Variants in TLK1 observed in about 807,000 individuals in gnomAD.
The protein encoded by TLK1 is tousled like kinase 1, also known as serine/threonine-protein kinase tousled-like 1.
TLK1 carries 24 observed loss-of-function variants against 105.3 expected under a neutral mutation model. The ratio of observed to expected loss-of-function variants is 0.23; its 90% confidence interval spans 0.17 to 0.32. The LOEUF is 0.32. TLK1 is among the 10% of genes least tolerant of loss of function. The probability of loss-of-function intolerance (pLI) is 1.00; values close to 1 mark genes in which losing one functional copy is unlikely to be tolerated. For synonymous variants in TLK1, 321 were observed against 310.4 expected, an observed-to-expected ratio of 1.03 and a Z score of -0.36; for missense variants, 558 against 910.5, an observed-to-expected ratio of 0.61 and a Z score of 4.98.
At chr2:171,001,012 C>T (rs1014583762) in intron 18 of TLK1, among the ~76,000 whole-genome samples, 11 of 150,908 alleles carry the variant, frequency 7.3e-5, no homozygotes, top group African/African-American at 2.7e-4. Context: ...CCCTTCACCC[C>T]ACCTTCTTTG....
At chr2:171,071,941 T>G (rs1369184222) in intron 3 of TLK1, among the ~76,000 whole-genome samples, 1 of 152,196 alleles carries the variant, frequency 6.6e-6, no homozygotes. Flanking sequence ...CTGGTCTATG[T>G]GTTTCACTGA....
chr2:171,040,855 GCCTGA>G (rs1244340352), intron 11 of TLK1, among the ~76,000 whole-genome samples: 2 of 152,014 alleles, frequency 1.3e-5, no homozygotes, highest in Non-Finnish European at 2.9e-5. Flanking sequence ...GGGATTACAG[GCCTGA>G]GCCACCACGC....
At chr2:171,210,324 C>A (rs759680244) in intron 1 of TLK1, among the ~76,000 whole-genome samples, 1 of 151,232 alleles carries the variant, frequency 6.6e-6, no homozygotes, top group South Asian at 2.1e-4. Context: ...GTTGCCTAGG[C>A]TAGAATGCGG....
intron 8 of TLK1, among the ~76,000 whole-genome samples, chr2:171,051,925 A>G (rs1274558937): frequency 1.3e-5 from 2 of 152,122 alleles, no homozygotes; most frequent in Non-Finnish European, 2.9e-5. Context: ...TTGAAATGAA[A>G]CCCTACATCA....
At chr2:171,012,040 C>A (rs1375021155) in intron 13 of TLK1, among the ~76,000 whole-genome samples, 1 of 151,638 alleles carries the variant, frequency 6.6e-6, no homozygotes, top group East Asian at 1.9e-4. Context: ...TATTGAAATA[C>A]CTGGAACCAG....
chr2:171,216,674 G>C (rs1693720264), intron 1 of TLK1, among the ~76,000 whole-genome samples: 1 of 152,040 alleles, frequency 6.6e-6, no homozygotes, highest in Non-Finnish European at 1.5e-5. Context: ...TTAGAAGTAG[G>C]GCCATTATAG....
chr2:171,127,667 AG>A (rs1289405054), intron 1 of TLK1, among the ~76,000 whole-genome samples: 4 of 152,284 alleles, frequency 2.6e-5, no homozygotes, highest in African/African-American at 9.6e-5. Context: ...TAATCCATTT[AG>A]AATTATATAT....
intron 1 of TLK1, among the ~76,000 whole-genome samples, chr2:171,158,515 A>C (rs778177625): frequency 1.4e-4 from 21 of 152,250 alleles, no homozygotes; most frequent in Non-Finnish European, 3.1e-4. Flanking sequence ...AACAGATATC[A>C]AGAGATAATT....
intron 3 of TLK1, among the ~76,000 whole-genome samples, chr2:171,080,357 T>C (rs573360509): frequency 6.6e-6 from 1 of 151,968 alleles, no homozygotes; most frequent in East Asian, 1.9e-4. Context: ...CTAGGAGTAC[T>C]AGGAAAAACA....
chr2:171,071,340 T>A (rs189288619), intron 3 of TLK1, among the ~76,000 whole-genome samples: 5 of 151,992 alleles, frequency 3.3e-5, no homozygotes, highest in African/African-American at 1.2e-4. Context: ...CAGGCTGGAG[T>A]GCAGTGGCGT....
intron 12 of TLK1, among the ~76,000 whole-genome samples, chr2:171,025,801 CTTA>C (rs1685744694): frequency 6.6e-6 from 1 of 152,130 alleles, no homozygotes; most frequent in Non-Finnish European, 1.5e-5. Context: ...TAACTTATTG[CTTA>C]TTATTTTTTA....
intron 11 of TLK1, among the ~76,000 whole-genome samples, chr2:171,037,612 GTATC>G (rs201171445): frequency 0.018 from 2,771 of 151,930 alleles, 53 homozygotes; most frequent in South Asian, 0.03. Context: ...AAAATTTTTC[GTATC>G]TATTAAGATA....
intron 2 of TLK1, among the ~76,000 whole-genome samples, chr2:171,117,469 G>A (rs528507203): frequency 1.3e-5 from 2 of 152,102 alleles, no homozygotes; most frequent in Admixed American, 1.3e-4. Flanking sequence ...TGGATAATAA[G>A]GGCAGGAAGG....
At chr2:171,228,612 C>A (rs1320648857) in intron 1 of TLK1, among the ~76,000 whole-genome samples, 1 of 152,184 alleles carries the variant, frequency 6.6e-6, no homozygotes, top group East Asian at 1.9e-4. Flanking sequence ...TTATTGTGGT[C>A]ACTTTACAGA....
chr2:170,999,910 C>T (rs1323913893), intron 18 of TLK1, among the ~76,000 whole-genome samples: 3 of 152,032 alleles, frequency 2.0e-5, no homozygotes, highest in African/African-American at 7.3e-5. Flanking sequence ...AGGCACACAC[C>T]ACCATGCCTG....
chr2:171,161,251 C>G (rs1182698918), upstream of TLK1, among the ~76,000 whole-genome samples: 20 of 151,530 alleles, frequency 1.3e-4, no homozygotes. Flanking sequence ...CTCCCCCTGT[C>G]TCCCGCGGAA....
At position 171,061,162 on chromosome 2, in the gene TLK1, G is replaced by C; in HGVS notation, c.331-6C>G. On this transcript the variant is annotated splice_region_variant and splice_polypyrimidine_tract_variant and intron_variant, in intron 3 of 20. Coordinates refer to ENST00000431350, the MANE Select transcript of TLK1 (RefSeq NM_012290.5). ...GATTGTTTCTTCTCCGGTGTCTACA[G>C]AAAACAAGATAACAGATTTTTAAAT... is the stretch of plus-strand genomic sequence containing the variant. The C allele has an allele frequency of 6.2e-7, 1 of 1,612,392 alleles. No individual in the cohort carries two copies. Among genetic ancestry groups the C allele is most frequent in the South Asian group, 1.1e-5 (1 of 90,876 alleles).
At chr2:171,172,728 C>T (rs995561666) in intron 1 of TLK1, among the ~76,000 whole-genome samples, 3 of 152,150 alleles carry the variant, frequency 2.0e-5, no homozygotes, top group African/African-American at 7.2e-5. Context: ...CCTTCGCCTT[C>T]CACCATAACT....
intron 18 of TLK1, among the ~76,000 whole-genome samples, chr2:170,998,054 C>CTT (rs1684153518): frequency 1.4e-5 from 1 of 73,874 alleles, no homozygotes; most frequent in East Asian, 3.7e-4. Context: ...CTTTATCTAT[C>CTT]TATCTATCTA....
Sources: allele counts gnomAD v4.1 joint callset (sites outside exome capture counted in the v4.1 genomes callset), GRCh38; gene constraint gnomAD v4.1.1; transcripts MANE v1.5; gene names NCBI Gene and HGNC (gene_info 2026-07-23, HGNC 2026-07-21).